The following LRRIQ1 variants were observed in gnomAD, a reference collection of about 807,000 sequenced individuals.
LRRIQ1 encodes leucine rich repeats and IQ motif containing 1.
Under a neutral mutation model 211.9 loss-of-function variants are expected in LRRIQ1, and 210 were observed. The ratio of observed to expected loss-of-function variants is 0.99; its 90% CI spans 0.89 to 1.11. The LOEUF is 1.11. LRRIQ1 is among the 50% of genes most tolerant of loss of function. The pLI is 0.00. For missense variants in LRRIQ1, 2,136 were observed against 1,939.5 expected (o/e 1.10, Z -1.90); for synonymous variants, 699 against 650.1 (o/e 1.08, Z -1.14).
intron 15 of LRRIQ1, among the ~76,000 whole-genome samples, chr12:85,109,111 T>C (rs1162176022): frequency 1.3e-5 from 2 of 152,136 alleles, no homozygotes; most frequent in Admixed American, 6.6e-5. Flanking sequence ...GTATAAGATA[T>C]ATTACAGAAG....
intron 26 of LRRIQ1, among the ~76,000 whole-genome samples, chr12:85,234,114 G>A (rs971731882): frequency 2.2e-4 from 33 of 152,162 alleles, no homozygotes; most frequent in African/African-American, 7.9e-4. Context: ...GTGCACACCT[G>A]TAGCCCCAGC....
At chr12:85,227,912 G>T (rs2137169380) in intron 24 of LRRIQ1, among the ~76,000 whole-genome samples, 1 of 152,278 alleles carries the variant, frequency 6.6e-6, no homozygotes, top group African/African-American at 2.4e-5. Flanking sequence ...ACAAAAACAA[G>T]AAATGGGGAA....
At chr12:85,044,650 G>A in intron 3 of LRRIQ1, 68 bp from the exon 4 acceptor site, 1 of 728,778 alleles carries the variant, frequency 1.4e-6, no homozygotes. Flanking sequence ...TTAAGAAAGG[G>A]TTTGAAATTT....
intron 1 of LRRIQ1, among the ~76,000 whole-genome samples, chr12:85,250,931 A>T (rs1360241307): frequency 1.9e-4 from 20 of 103,152 alleles, no homozygotes; most frequent in Non-Finnish European, 3.2e-4. Context: ...TATATTATAT[A>T]TTATATATAA....
At position 85,153,130 on chromosome 12, in the gene LRRIQ1, C is replaced by T; in HGVS notation, c.4526C>T (p.Thr1509Ile). The T allele has an allele frequency of 1.3e-6, 2 of 1,587,200 alleles. No homozygotes were observed. The highest frequency in any genetic ancestry group is 1.7e-6 in the Non-Finnish European group (2 of 1,167,276). The change falls in exon 21 of 27, where the codon ACA becomes ATA. Residue 1509 changes from threonine to isoleucine, a missense_variant. Thr to Ile is a moderately conservative substitution (Grantham distance 89). Coordinates refer to ENST00000393217, the MANE Select transcript of LRRIQ1 (RefSeq NM_001079910.2). ...GAAAATTTGTCTTCTTCAGAACACA[C>T]ACAATTTAATAGCAGGTAAGCTAAA... ...DKENLSSSEH[T>I]QFNSRSENKT...
At chr12:85,225,044 C>G (rs1252067822) in intron 24 of LRRIQ1, among the ~76,000 whole-genome samples, 2 of 152,018 alleles carry the variant, frequency 1.3e-5, no homozygotes, top group Non-Finnish European at 2.9e-5. Flanking sequence ...CAGTCAGCCT[C>G]TCATATCCAT....
intron 8 of LRRIQ1, among the ~76,000 whole-genome samples, chr12:85,061,763 G>A (rs897182447): frequency 6.6e-6 from 1 of 151,620 alleles, no homozygotes; most frequent in Admixed American, 6.6e-5. Flanking sequence ...AGATTAACTA[G>A]GCAGTATATA....
At chr12:85,184,464 T>G (rs547151216) in intron 24 of LRRIQ1, among the ~76,000 whole-genome samples, 48 of 152,190 alleles carry the variant, frequency 3.2e-4, no homozygotes, top group Non-Finnish European at 6.6e-4. Context: ...TAGATGTGTA[T>G]GTGTATTTGT....
chr12:85,095,221 G>T (rs1029360349), intron 11 of LRRIQ1, among the ~76,000 whole-genome samples: 16 of 152,062 alleles, frequency 1.1e-4, no homozygotes, highest in African/African-American at 3.6e-4. Context: ...TCCAGCTTTT[G>T]CCCATTCATT....
intron 15 of LRRIQ1, among the ~76,000 whole-genome samples, chr12:85,115,175 G>A (rs534051666): frequency 5.7e-4 from 86 of 152,138 alleles, no homozygotes; most frequent in Admixed American, 3.1e-3. Context: ...ATTAGGAGGC[G>A]CCCAGCTGGA....
chr12:85,173,332 G>A (rs1891511327), intron 24 of LRRIQ1, among the ~76,000 whole-genome samples: 1 of 152,038 alleles, frequency 6.6e-6, no homozygotes, highest in African/African-American at 2.4e-5. Context: ...TAAGGCCCTA[G>A]GCCATTCTTC....
intron 24 of LRRIQ1, among the ~76,000 whole-genome samples, chr12:85,225,331 A>G (rs561046750): frequency 2.6e-5 from 4 of 152,254 alleles, no homozygotes; most frequent in African/African-American, 9.6e-5. Context: ...CCTTATGGGT[A>G]CTGAGGAACA....
chr12:85,244,841 A>G lies in LRRIQ1; in HGVS notation c.5069A>G (p.Asn1690Ser), dbSNP rs750144664. 3.5e-5 allele frequency: 57 copies of G among 1,610,168 alleles called. No individual in the cohort carries two copies. Among genetic ancestry groups the G allele is most frequent in the Middle Eastern group, 3.3e-4 (2 of 6,062 alleles). The change falls in exon 27 of 27, where the codon AAT (asparagine) becomes AGT (serine). Residue 1690 changes from asparagine to serine, a missense_variant. By Grantham distance (46) the Asn-to-Ser change is conservative. Coordinates refer to ENST00000393217, the MANE Select transcript of LRRIQ1 (RefSeq NM_001079910.2). Reference sequence around the variant, plus strand: ...GATTTAGACCTTTTTTCCATGACCAATGGAAGTGCTTTGTCTGTGAACAGA... The same window carrying G: ...GATTTAGACCTTTTTTCCATGACCAGTGGAAGTGCTTTGTCTGTGAACAGA... ...DTDLDLFSMT[N>S]GSALSVNREK...
chr12:85,169,415 T>G (rs1336009742), intron 24 of LRRIQ1, among the ~76,000 whole-genome samples: 1 of 152,194 alleles, frequency 6.6e-6, no homozygotes, highest in Non-Finnish European at 1.5e-5. Context: ...GCTCTTGATA[T>G]AATTAAGTAT....
At chr12:85,261,497 T>C in intron 1 of LRRIQ1, among the ~76,000 whole-genome samples, 1 of 152,150 alleles carries the variant, frequency 6.6e-6, no homozygotes, top group Non-Finnish European at 1.5e-5. Flanking sequence ...TTTGAATTTA[T>C]ATTTTTTAAA....
At chr12:85,198,045 A>G in intron 24 of LRRIQ1, among the ~76,000 whole-genome samples, 1 of 50,644 alleles carries the variant, frequency 2.0e-5, no homozygotes, top group Non-Finnish European at 3.0e-5. Flanking sequence ...TATATAATAT[A>G]TTATATAATT....
At chr12:85,047,097 C>T (rs555660902) in intron 5 of LRRIQ1, 150 bp from the exon 6 acceptor site, 1 of 497,326 alleles carries the variant, frequency 2.0e-6, no homozygotes, top group African/African-American at 2.0e-5. Flanking sequence ...CACATGTATA[C>T]ATATGTAACA....
chr12:85,122,071 T>C (rs1157132134), intron 16 of LRRIQ1, among the ~76,000 whole-genome samples, 195 bp downstream of exon 16: 1 of 152,160 alleles, frequency 6.6e-6, no homozygotes, highest in African/African-American at 2.4e-5. Context: ...TTGAACATAA[T>C]TTCAAATATT....
At chr12:85,111,923 T>C (rs1887199763) in intron 15 of LRRIQ1, among the ~76,000 whole-genome samples, 2 of 144,982 alleles carry the variant, frequency 1.4e-5, no homozygotes, top group South Asian at 2.1e-4. Flanking sequence ...ATGTATATGG[T>C]ATTAGACATT....
Sources: allele counts gnomAD v4.1 joint callset (sites outside exome capture counted in the v4.1 genomes callset), GRCh38; gene constraint gnomAD v4.1.1; transcripts MANE v1.5; gene names NCBI Gene and HGNC (gene_info 2026-07-23, HGNC 2026-07-21).